The following ZFPM2 variants were observed in gnomAD, a reference collection of about 807,000 sequenced individuals.
ZFPM2 encodes zinc finger protein, FOG family member 2.
A neutral mutation model predicts 98.6 loss-of-function variants in ZFPM2; 20 were observed. The ratio of observed to expected loss-of-function variants is 0.20; its 90% CI spans 0.14 to 0.29. The LOEUF is 0.29. ZFPM2 is among the 10% of genes least tolerant of loss of function. The pLI is 1.00. For missense variants in ZFPM2, 1,310 were observed against 1,388.6 expected (o/e 0.94, Z 0.90); for synonymous variants, 518 against 502.7 (o/e 1.03, Z -0.41).
chr8:105,672,563 G>C (rs1817615720), intron 5 of ZFPM2, among the ~76,000 whole-genome samples: 1 of 151,936 alleles, frequency 6.6e-6, no homozygotes, highest in Non-Finnish European at 1.5e-5. Context: ...TTAAAAATCT[G>C]ATATGAATAT....
At chr8:105,745,638 G>A (rs535753541) in intron 5 of ZFPM2, among the ~76,000 whole-genome samples, 1 of 152,114 alleles carries the variant, frequency 6.6e-6, no homozygotes, top group East Asian at 1.9e-4. Flanking sequence ...TTTGAAAAAA[G>A]GCTTAATGTT....
intron 1 of ZFPM2, among the ~76,000 whole-genome samples, chr8:105,363,367 A>G (rs1438677234): frequency 5.3e-5 from 8 of 152,144 alleles, no homozygotes. Context: ...CTAAGGTGAA[A>G]GCATTGCCAA....
At chr8:105,612,865 G>T (rs953059486) in intron 4 of ZFPM2, among the ~76,000 whole-genome samples, 8 of 151,954 alleles carry the variant, frequency 5.3e-5, no homozygotes, top group African/African-American at 1.9e-4. Context: ...AGATAATTTT[G>T]GTTTTACTAG....
intron 3 of ZFPM2, among the ~76,000 whole-genome samples, chr8:105,560,179 A>G (rs1053781313): frequency 1.0e-3 from 81 of 79,320 alleles, no homozygotes; most frequent in African/African-American, 4.9e-3. Flanking sequence ...CAAAAAAAAA[A>G]AAAAAAAAGA....
chr8:105,775,765 G>A (rs766935101), intron 5 of ZFPM2, among the ~76,000 whole-genome samples: 16 of 152,014 alleles, frequency 1.1e-4, no homozygotes, highest in Non-Finnish European at 1.9e-4. Context: ...GCAAGTTTCC[G>A]CAAAGCACTC....
chr8:105,798,330 A>G, intron 6 of ZFPM2: 1 of 158,552 alleles, frequency 6.3e-6, no homozygotes, highest in Non-Finnish European at 1.4e-5. Flanking sequence ...CTCACCTGTA[A>G]TCCCAGCTAC....
chr8:105,447,747 T>A (rs1413353174), intron 3 of ZFPM2, among the ~76,000 whole-genome samples: 1 of 152,048 alleles, frequency 6.6e-6, no homozygotes, highest in Non-Finnish European at 1.5e-5. Flanking sequence ...TTAAGATGGA[T>A]CAGGATTTAT....
chr8:105,401,999 A>G (rs1811350483), intron 1 of ZFPM2, among the ~76,000 whole-genome samples: 1 of 152,026 alleles, frequency 6.6e-6, no homozygotes, highest in Non-Finnish European at 1.5e-5. Context: ...CAAATTGTTT[A>G]TATCCTTATT....
rs750762877 is a variant in ZFPM2 at position 105,802,283 on chromosome 8, G to A, written c.2201G>A (p.Arg734His). ...NKVPAMQRTM[R>H]TRKRRKMYEM... ...GTGCCTGCCATGCAGAGAACCATGC[G>A]CACACGCAAGCGCAGAAAGATGTAT... The change falls in exon 8 of 8, where the codon CGC becomes CAC. Residue 734 changes from arginine (R) to histidine (H), a missense_variant. By Grantham distance (29) the Arg-to-His change is conservative. Coordinates refer to ENST00000407775, the MANE Select transcript of ZFPM2 (RefSeq NM_012082.4). 1.9e-6 allele frequency: 3 copies of A among 1,613,772 alleles called. No individual in the cohort carries two copies. Among genetic ancestry groups the A allele is most frequent in the Admixed American group, 1.7e-5 (1 of 59,982 alleles).
chr8:105,687,114 G>A (rs1810756031), intron 5 of ZFPM2, among the ~76,000 whole-genome samples: 1 of 152,122 alleles, frequency 6.6e-6, no homozygotes. Flanking sequence ...CCTTTGTCTG[G>A]CTAAAATGGA....
chr8:105,625,258 G>A (rs1208660630), intron 4 of ZFPM2, among the ~76,000 whole-genome samples: 5 of 151,988 alleles, frequency 3.3e-5, no homozygotes, highest in Non-Finnish European at 5.9e-5. Flanking sequence ...TTTTTTTCAA[G>A]CAATGCAACT....
chr8:105,724,427 A>T (rs1247166060), intron 5 of ZFPM2, among the ~76,000 whole-genome samples: 1 of 151,810 alleles, frequency 6.6e-6, no homozygotes, highest in East Asian at 1.9e-4. Context: ...GATGCTTTTT[A>T]TGGGTTCCAT....
chr8:105,667,788 GAT>G (rs1192349699), intron 5 of ZFPM2, among the ~76,000 whole-genome samples: 2 of 152,106 alleles, frequency 1.3e-5, no homozygotes, highest in Admixed American at 1.3e-4. Flanking sequence ...TGTTTTAAAA[GAT>G]AGTTATTTTT....
chr8:105,450,734 T>TG (rs909699762), intron 3 of ZFPM2, among the ~76,000 whole-genome samples: 11 of 151,730 alleles, frequency 7.2e-5, no homozygotes, highest in African/African-American at 1.7e-4. Context: ...GTGTGTGTAT[T>TG]GGGGGGGTCA....
chr8:105,719,121 T>C (rs544731437), intron 5 of ZFPM2, among the ~76,000 whole-genome samples: 1 of 152,084 alleles, frequency 6.6e-6, no homozygotes, highest in African/African-American at 2.4e-5. Flanking sequence ...TATACCTTTT[T>C]CATTGTGAAA....
intron 3 of ZFPM2, among the ~76,000 whole-genome samples, chr8:105,519,123 A>G (rs1322650292): frequency 9.9e-5 from 15 of 152,146 alleles, no homozygotes; most frequent in East Asian, 1.9e-4. Flanking sequence ...TCCATTTTAT[A>G]TGTGAAAAAT....
chr8:105,685,386 A>G (rs1406912352), intron 5 of ZFPM2, among the ~76,000 whole-genome samples: 1 of 152,148 alleles, frequency 6.6e-6, no homozygotes, highest in Non-Finnish European at 1.5e-5. Flanking sequence ...AAAACCAGCA[A>G]GGGGACCATG....
At chr8:105,800,422 A>G (rs185428111) in intron 7 of ZFPM2, among the ~76,000 whole-genome samples, 65 of 150,942 alleles carry the variant, frequency 4.3e-4, no homozygotes, top group African/African-American at 1.4e-3. Context: ...GTGTACTGGT[A>G]GACTATATTA....
chr8:105,335,661 G>A (rs1418431240), intron 1 of ZFPM2, among the ~76,000 whole-genome samples: 1 of 151,704 alleles, frequency 6.6e-6, no homozygotes. Context: ...AGCTACAAGT[G>A]GTTTTCATGA....
Sources: allele counts gnomAD v4.1 joint callset (sites outside exome capture counted in the v4.1 genomes callset), GRCh38; gene constraint gnomAD v4.1.1; transcripts MANE v1.5; gene names NCBI Gene and HGNC (gene_info 2026-07-23, HGNC 2026-07-21).